Variants in SLC25A21 observed in about 807,000 individuals in gnomAD.
SLC25A21 encodes the protein mitochondrial 2-oxodicarboxylate carrier.
In SLC25A21, 47 loss-of-function variants were observed where a neutral mutation model predicts 43.8. The observed-to-expected ratio is 1.07, with a 90% CI of 0.85 to 1.37. The LOEUF is 1.37. SLC25A21 is among the 40% of genes most tolerant of loss of function. The probability of loss-of-function intolerance (pLI) is 0.00; values close to 1 mark genes in which losing one functional copy is unlikely to be tolerated. For synonymous variants in SLC25A21, 131 were observed against 121.3 expected, an observed-to-expected ratio of 1.08 and a Z score of -0.52; for missense variants, 352 against 350.2, an observed-to-expected ratio of 1.00 and a Z score of -0.04.
Position 36,679,981 on chromosome 14 carries a change from C to T in SLC25A21, c.*677G>A. Reference sequence around the variant, plus strand: ...CAGTGTTTTAACATTCTGTTTTAAACAATGTTTTAAAATACCTATTTATTA... The same window carrying T: ...CAGTGTTTTAACATTCTGTTTTAAATAATGTTTTAAAATACCTATTTATTA... On this transcript the variant is annotated 3_prime_UTR_variant, in exon 10 of 10. Transcript: ENST00000331299. 2.3e-6 allele frequency: 2 copies of T among 855,990 alleles called. No homozygotes were observed. Among genetic ancestry groups the T allele is most frequent in the Non-Finnish European group, 2.8e-6 (2 of 726,022 alleles). 53.0% of individuals were successfully genotyped at this position (855,990 alleles called of 1,614,324 possible).
At chr14:36,955,156 T>C (rs1351031570) in intron 1 of SLC25A21, among the ~76,000 whole-genome samples, 1 of 152,098 alleles carries the variant, frequency 6.6e-6, no homozygotes, top group Non-Finnish European at 1.5e-5. Flanking sequence ...GGTGAGTAAA[T>C]GAAAGAATGA....
At chr14:37,139,329 C>T (rs1305839361) in intron 1 of SLC25A21, among the ~76,000 whole-genome samples, 3 of 152,006 alleles carry the variant, frequency 2.0e-5, no homozygotes, top group East Asian at 1.9e-4. Flanking sequence ...TAAAAGGGAA[C>T]ATTTATTCTA....
intron 1 of SLC25A21, among the ~76,000 whole-genome samples, chr14:37,043,196 G>T (rs1262001733): frequency 2.6e-5 from 4 of 152,012 alleles, no homozygotes; most frequent in Non-Finnish European, 5.9e-5. Flanking sequence ...GTTCAGACAG[G>T]ACCCATTTCC....
Position 36,741,090 on chromosome 14 carries a change from C to T in SLC25A21, c.204-6517G>A, listed in dbSNP as rs1885238157. On this transcript the variant is annotated intron_variant, in intron 3 of 9. Transcript: ENST00000331299. Reference sequence around the variant, plus strand: ...AAAAGGAGTGGAAAAATCACATGTCCTGTCTGCCCCTCCTTTTACCCCTCT... The same window carrying T: ...AAAAGGAGTGGAAAAATCACATGTCTTGTCTGCCCCTCCTTTTACCCCTCT... Among the ~76,000 whole-genome samples the T allele has an allele frequency of 2.0e-5, 3 of 152,132 alleles. No homozygotes were observed. The East Asian group carries it at 5.8e-4, about 29-fold the overall frequency.
chr14:36,902,253 T>C (rs1376630211), intron 1 of SLC25A21, among the ~76,000 whole-genome samples: 2 of 152,194 alleles, frequency 1.3e-5, no homozygotes, highest in East Asian at 1.9e-4. Flanking sequence ...CCAGAGACTA[T>C]TCTGATGAGG....
intron 1 of SLC25A21, among the ~76,000 whole-genome samples, chr14:37,064,823 G>A (rs538821252): frequency 6.6e-6 from 1 of 151,894 alleles, no homozygotes; most frequent in East Asian, 1.9e-4. Context: ...AGACACTGTA[G>A]TAAGCACTAG....
At chr14:37,007,600 A>AAATAATAATCATAATAATAATAATAAT (rs1960634223) in intron 1 of SLC25A21, among the ~76,000 whole-genome samples, 3 of 148,046 alleles carry the variant, frequency 2.0e-5, no homozygotes, top group Admixed American at 6.8e-5. Flanking sequence ...TCCCTCTCAA[A>AAATAATAATCATAATAATAATAATAAT]AATAATAATA....
rs550199286 is a variant in SLC25A21 at position 36,893,376 on chromosome 14, A to G, written c.71-18372T>C. On this transcript the variant is annotated intron_variant, in intron 1 of 9. Coordinates refer to ENST00000331299, the MANE Select transcript of SLC25A21 (RefSeq NM_030631.4). ...CGAGAAGTGTCTGTTCATGTCCTTC[A>G]CCCACTTTTTGATGGGGTTGTTTTT... Among the ~76,000 whole-genome samples the G allele has an allele frequency of 5.7e-3, 867 of 152,080 alleles. 13 individuals carry two copies. In the Middle Eastern group the frequency reaches 0.061, roughly 11 times the overall value.
At chr14:36,734,617 C>G in intron 3 of SLC25A21, 44 bp from the exon 4 acceptor site, 2 of 1,441,976 alleles carry the variant, frequency 1.4e-6, no homozygotes, top group Non-Finnish European at 1.9e-6. Context: ...GGAAATTAGG[C>G]AACAAGTATT....
intron 1 of SLC25A21, among the ~76,000 whole-genome samples, chr14:36,914,223 AC>A (rs1891767455): frequency 6.6e-6 from 1 of 152,220 alleles, no homozygotes; most frequent in South Asian, 2.1e-4. Context: ...GGTTTTAATC[AC>A]CATAACGAAA....
chr14:36,680,503 C>A lies in SLC25A21; in HGVS notation c.*155G>T. The A allele has an allele frequency of 7.8e-7, 1 of 1,276,340 alleles. No individual in the cohort carries two copies. The highest frequency in any genetic ancestry group is 9.9e-7 in the Non-Finnish European group (1 of 1,009,528). 79.1% of individuals were successfully genotyped at this position (1,276,340 alleles called of 1,614,324 possible). A position where few individuals can be genotyped will look rare whatever the true frequency, so the allele number is the denominator to read the frequency against. On this transcript the variant is annotated 3_prime_UTR_variant, in exon 10 of 10. Coordinates refer to ENST00000331299, the MANE Select transcript of SLC25A21 (RefSeq NM_030631.4). ...CAGCCAAAACTATAATCTCAAGTTG[C>A]CTATAGACATTTTTTAAAGTATTAA...
chr14:37,095,775 T>C (rs1594790361), intron 1 of SLC25A21, among the ~76,000 whole-genome samples: 1 of 140,440 alleles, frequency 7.1e-6, no homozygotes, highest in Non-Finnish European at 1.5e-5. Flanking sequence ...TTTAAAAAAA[T>C]GTATATATGT....
At chr14:36,830,567 T>C (rs1341893315) in intron 2 of SLC25A21, among the ~76,000 whole-genome samples, 3 of 152,246 alleles carry the variant, frequency 2.0e-5, no homozygotes, top group East Asian at 1.9e-4. Context: ...TAGACATCAA[T>C]CATATTCCTC....
At chr14:36,969,783 C>T (rs980732465) in intron 1 of SLC25A21, among the ~76,000 whole-genome samples, 1 of 152,044 alleles carries the variant, frequency 6.6e-6, no homozygotes, top group African/African-American at 2.4e-5. Context: ...TGAGCCGCTG[C>T]ACCCAGCCAG....
chr14:36,739,693 A>G (rs1885177510), intron 3 of SLC25A21, among the ~76,000 whole-genome samples: 1 of 151,730 alleles, frequency 6.6e-6, no homozygotes. Context: ...AAGAAAAAAA[A>G]AAAAAAGAGG....
chr14:36,701,253 G>T (rs549047126), intron 7 of SLC25A21, among the ~76,000 whole-genome samples: 1 of 152,284 alleles, frequency 6.6e-6, no homozygotes, highest in East Asian at 1.9e-4. Context: ...TGCTATCAGA[G>T]GAATCTATTA....
intron 7 of SLC25A21, among the ~76,000 whole-genome samples, chr14:36,692,036 A>C (rs1882815373): frequency 6.6e-6 from 1 of 152,226 alleles, no homozygotes; most frequent in African/African-American, 2.4e-5. Flanking sequence ...GAAAACTGAG[A>C]CAGAGAGAAG....
chr14:36,920,686 T>C (rs889329532), intron 1 of SLC25A21, among the ~76,000 whole-genome samples: 3 of 152,040 alleles, frequency 2.0e-5, no homozygotes, highest in African/African-American at 4.8e-5. Flanking sequence ...GTTTCAAAGA[T>C]AACTACAGTA....
intron 1 of SLC25A21, among the ~76,000 whole-genome samples, chr14:36,891,675 C>G (rs1485598816): frequency 6.6e-6 from 1 of 152,024 alleles, no homozygotes; most frequent in South Asian, 2.1e-4. Flanking sequence ...AGCAAGATGG[C>G]GTTTCCCAGA....
Sources: allele counts gnomAD v4.1 joint callset (sites outside exome capture counted in the v4.1 genomes callset), GRCh38; gene constraint gnomAD v4.1.1; transcripts MANE v1.5; gene names NCBI Gene and HGNC (gene_info 2026-07-23, HGNC 2026-07-21).